Variants in VEPH1 observed in about 807,000 individuals in gnomAD.
VEPH1 encodes the protein ventricular zone expressed PH domain containing 1.
In VEPH1, 80 loss-of-function variants were observed where a neutral mutation model predicts 85.2. That is an observed-to-expected ratio of 0.94 (90% CI 0.78 to 1.13). VEPH1 has a LOEUF of 1.13. Among genes scored for constraint, VEPH1 ranks in the 50% most tolerant of loss-of-function variants. The pLI is 0.00. For missense variants in VEPH1, 955 were observed against 980.5 expected (o/e 0.97, Z 0.35); for synonymous variants, 297 against 348.0 (o/e 0.85, Z 1.63).
At chr3:157,281,998 GA>G (rs1166390651) in intron 12 of VEPH1, among the ~76,000 whole-genome samples, 5 of 152,152 alleles carry the variant, frequency 3.3e-5, no homozygotes, top group Non-Finnish European at 5.9e-5. Context: ...ATCTAGAGTG[GA>G]AAAATAATCT....
chr3:157,301,411 C>T (rs997558082), intron 11 of VEPH1, among the ~76,000 whole-genome samples: 1 of 152,158 alleles, frequency 6.6e-6, no homozygotes, highest in African/African-American at 2.4e-5. Flanking sequence ...ATCTCAACCT[C>T]TCTATTGCAT....
At chr3:157,396,711 C>T (rs1337206192) in intron 6 of VEPH1, among the ~76,000 whole-genome samples, 3 of 152,028 alleles carry the variant, frequency 2.0e-5, no homozygotes, top group Non-Finnish European at 4.4e-5. Context: ...AGCTTTTTTT[C>T]GTATGTTTGT....
chr3:157,326,613 A>T (rs1429043751), intron 9 of VEPH1, among the ~76,000 whole-genome samples: 1 of 152,240 alleles, frequency 6.6e-6, no homozygotes, highest in Non-Finnish European at 1.5e-5. Flanking sequence ...AGGAGAATAT[A>T]GAATGGAACA....
chr3:157,364,390 T>A lies in VEPH1; in HGVS notation c.1250A>T (p.Asn417Ile), dbSNP rs573123156. 1.6e-4 allele frequency: 255 copies of A among 1,614,056 alleles called. 3 individuals are homozygous for A. The South Asian group carries it at 2.7e-3, about 17-fold the overall frequency. Residue 417 changes from asparagine to isoleucine, a missense_variant, in exon 8 of 14, where the codon AAT becomes ATT. Transcript: ENST00000362010. Reference sequence around the variant, plus strand: ...AGAGCCAGGGGTATTGCTCCCTGCATTTATCTTGTCTTCAAAAGCCTGGAT... The same window carrying A: ...AGAGCCAGGGGTATTGCTCCCTGCAATTATCTTGTCTTCAAAAGCCTGGAT... ...VKIQAFEDKI[N>I]AGSNTPGSIR...
At chr3:157,470,095 A>G (rs1195962726) in intron 3 of VEPH1, among the ~76,000 whole-genome samples, 3 of 152,138 alleles carry the variant, frequency 2.0e-5, no homozygotes, top group Non-Finnish European at 4.4e-5. Flanking sequence ...TTGCAGTGGT[A>G]TTACTTGAAT....
intron 3 of VEPH1, among the ~76,000 whole-genome samples, chr3:157,461,921 T>A (rs963435193): frequency 2.0e-5 from 3 of 151,698 alleles, no homozygotes; most frequent in Non-Finnish European, 2.9e-5. Flanking sequence ...ATAAAGTGGA[T>A]AAAATCAAGA....
intron 2 of VEPH1, among the ~76,000 whole-genome samples, chr3:157,486,186 C>T (rs1373732097): frequency 6.6e-6 from 1 of 151,968 alleles, no homozygotes; most frequent in Non-Finnish European, 1.5e-5. Context: ...TCCTTTCAAG[C>T]ACATATTAAA....
chr3:157,470,561 A>G (rs759073523), intron 2 of VEPH1, 32 bp from the exon 3 acceptor site: 1 of 1,600,614 alleles, frequency 6.2e-7, no homozygotes. Context: ...ATGTTAAATA[A>G]TACTCTAGAA....
chr3:157,392,356 A>C (rs1729942166), intron 6 of VEPH1, among the ~76,000 whole-genome samples: 1 of 152,164 alleles, frequency 6.6e-6, no homozygotes, highest in Non-Finnish European at 1.5e-5. Flanking sequence ...TCTTTTTAAA[A>C]CCATCAGATC....
chr3:157,267,036 C>G (rs2108259706), intron 12 of VEPH1, among the ~76,000 whole-genome samples: 1 of 151,820 alleles, frequency 6.6e-6, no homozygotes, highest in East Asian at 1.9e-4. Context: ...TTTCACAGAG[C>G]ATTTTCAGGA....
intron 12 of VEPH1, among the ~76,000 whole-genome samples, chr3:157,271,380 G>T (rs926981268): frequency 2.0e-5 from 3 of 152,138 alleles, no homozygotes; most frequent in African/African-American, 7.2e-5. Context: ...ACTGAGCAGT[G>T]GAGGAGAGTT....
At chr3:157,475,040 TG>T (rs1443330490) in intron 2 of VEPH1, among the ~76,000 whole-genome samples, 1 of 152,038 alleles carries the variant, frequency 6.6e-6, no homozygotes, top group Non-Finnish European at 1.5e-5. Flanking sequence ...TGCAGTGCAG[TG>T]GTGCCATGGC....
At chr3:157,478,270 C>T (rs1052779941) in intron 2 of VEPH1, among the ~76,000 whole-genome samples, 7 of 152,120 alleles carry the variant, frequency 4.6e-5, no homozygotes, top group Admixed American at 3.3e-4. Flanking sequence ...TTAGTTGAGG[C>T]CTTTTTTTCA....
chr3:157,472,952 T>C (rs1737101018), intron 2 of VEPH1, among the ~76,000 whole-genome samples: 1 of 152,178 alleles, frequency 6.6e-6, no homozygotes, highest in African/African-American at 2.4e-5. Context: ...GTCTTTGCTA[T>C]TGAGCTTCAC....
At chr3:157,465,676 G>A (rs1168707447) in intron 3 of VEPH1, among the ~76,000 whole-genome samples, 1 of 152,150 alleles carries the variant, frequency 6.6e-6, no homozygotes, top group African/African-American at 2.4e-5. Flanking sequence ...CACTAGCAAG[G>A]GCAGAGTTTA....
At chr3:157,288,118 T>C (rs983681984) in intron 11 of VEPH1, among the ~76,000 whole-genome samples, 1 of 152,228 alleles carries the variant, frequency 6.6e-6, no homozygotes, top group Non-Finnish European at 1.5e-5. Context: ...TTTCCTCTTA[T>C]GTAAATGACT....
At chr3:157,406,074 G>T (rs901766976) in intron 6 of VEPH1, among the ~76,000 whole-genome samples, 1 of 152,084 alleles carries the variant, frequency 6.6e-6, no homozygotes, top group African/African-American at 2.4e-5. Context: ...CAGTTAACAT[G>T]TACCCTTTTT....
rs544600365 is a variant in VEPH1 at position 157,446,967 on chromosome 3, C to G, written c.529+13214G>C. On this transcript the variant is annotated intron_variant, in intron 4 of 13. Transcript: ENST00000362010. Reference sequence around the variant, plus strand: ...CTTAGGGATAACAAGACTTGCCTACCTTGTTGAAAGATTAGTAAGCAGATA... The same window carrying G: ...CTTAGGGATAACAAGACTTGCCTACGTTGTTGAAAGATTAGTAAGCAGATA... Among the ~76,000 whole-genome samples the G allele has an allele frequency of 2.0e-5, 3 of 152,244 alleles. No individual in the cohort carries two copies. The South Asian group carries it at 6.2e-4, about 32-fold the overall frequency.
rs369417596 is a variant in VEPH1 at position 157,470,516 on chromosome 3, T to A, written c.152A>T (p.Asn51Ile). ...IISSSSDYQTNNNDQAVVEIC... is the reference protein window; with the variant it reads ...IISSSSDYQTINNDQAVVEIC... Reference sequence around the variant, plus strand: ...TTCAACTACTGCCTGGTCATTGTTATTGGTTTGGTAATCCTGTTTGGAAAG... The same window carrying A: ...TTCAACTACTGCCTGGTCATTGTTAATGGTTTGGTAATCCTGTTTGGAAAG... Residue 51 changes from asparagine to isoleucine, a missense_variant, in exon 3 of 14, where the codon AAT (asparagine) becomes ATT (isoleucine). Physicochemically the swap from Asn to Ile is moderately radical, Grantham distance 149 (BLOSUM62 -3). Transcript: ENST00000362010. 8 of 1,614,202 alleles carry A rather than the reference T, an allele frequency of 5.0e-6. No homozygotes were observed. In the South Asian group the frequency reaches 8.8e-5, roughly 18 times the overall value.
Sources: gnomAD v4.1 joint callset for allele counts (sites outside exome capture counted in the v4.1 genomes callset) on GRCh38, gnomAD v4.1.1 for gene constraint, MANE v1.5 for transcripts, NCBI Gene and HGNC (gene_info 2026-07-23, HGNC 2026-07-21) for gene names.